Variants in ELOVL7 observed in about 807,000 individuals in gnomAD.
The protein encoded by ELOVL7 is ELOVL fatty acid elongase 7.
Under a neutral mutation model 35.7 loss-of-function variants are expected in ELOVL7, and 27 were observed. The ratio of observed to expected loss-of-function variants is 0.76; its 90% CI spans 0.56 to 1.04. The LOEUF (loss-of-function observed/expected upper bound fraction) is 1.04. Among genes scored for constraint, ELOVL7 ranks in the 50% least tolerant of loss-of-function variants. The pLI is 0.00. For synonymous variants in ELOVL7, 113 were observed against 114.6 expected (o/e 0.99, Z 0.09); for missense variants, 327 against 340.8 (o/e 0.96, Z 0.32).
At position 60,844,256 on chromosome 5, in the gene ELOVL7, C is replaced by G. The variant is rs1247212451; in HGVS notation, c.-182G>C. On this transcript the variant is annotated 5_prime_UTR_variant, in exon 1 of 9. Transcript: ENST00000508821. Reference sequence around the variant, plus strand: ...AGCTCCTCACAGCGGCCCCCGCTGTCCCGGCCGCCGACTGGGTTGGAAAGG... The same window carrying G: ...AGCTCCTCACAGCGGCCCCCGCTGTGCCGGCCGCCGACTGGGTTGGAAAGG... 6.6e-6 allele frequency: 1 copy of G among 152,012 alleles called. No homozygotes were observed. Among genetic ancestry groups the G allele is most frequent in the Non-Finnish European group, 1.5e-5 (1 of 68,018 alleles). The allele number at this position is 152,012 out of a possible 1,614,324, so 9.4% of individuals were successfully genotyped here.
chr5:60,833,031 C>A (rs1002751664), intron 1 of ELOVL7, among the ~76,000 whole-genome samples: 4 of 152,132 alleles, frequency 2.6e-5, no homozygotes, highest in Non-Finnish European at 4.4e-5. Flanking sequence ...TAATCCTCGC[C>A]CTGCCGTATT....
chr5:60,806,742 T>C (rs1744948270), intron 1 of ELOVL7, among the ~76,000 whole-genome samples: 1 of 152,000 alleles, frequency 6.6e-6, no homozygotes. Flanking sequence ...GCTTGTGAAC[T>C]GCCATCTTTA....
At position 60,752,680 on chromosome 5, in the gene ELOVL7, C is replaced by T. The variant is rs922461082; in HGVS notation, c.*1944G>A. The T allele has an allele frequency of 6.6e-6, 1 of 152,182 alleles. No individual in the cohort carries two copies. The allele number at this position is 152,182 out of a possible 1,614,324, so 9.4% of individuals were successfully genotyped here. A position where few individuals can be genotyped will look rare whatever the true frequency, so the allele number is the denominator to read the frequency against. On this transcript the variant is annotated 3_prime_UTR_variant, in exon 9 of 9. Coordinates refer to ENST00000508821, the MANE Select transcript of ELOVL7 (RefSeq NM_024930.3). ...AAAAATATAAAATTATGGCCGGGCA[C>T]AGTGGCTCACCCCTGTAATCCCAGA...
chr5:60,824,384 G>A lies in ELOVL7; in HGVS notation c.-86+19776C>T, dbSNP rs529335085. Among the ~76,000 whole-genome samples the A allele has an allele frequency of 6.6e-5, 10 of 152,302 alleles. No homozygotes were observed. In the East Asian group the frequency reaches 1.9e-3, roughly 29 times the overall value. ...ACAGCAGGAGTAACGATGGAGAAACGTCAAAGTCTCTAAGGCATGTGGGAT... is the reference window on the plus strand; with the variant it reads ...ACAGCAGGAGTAACGATGGAGAAACATCAAAGTCTCTAAGGCATGTGGGAT... On this transcript the variant is annotated intron_variant, in intron 1 of 8. Transcript: ENST00000508821.
intron 4 of ELOVL7, among the ~76,000 whole-genome samples, chr5:60,769,017 A>G (rs1444238): frequency 0.2 from 30,235 of 152,128 alleles, 5,660 homozygotes; most frequent in African/African-American, 0.49. Context: ...TAGACACTAT[A>G]GTATTATAAA....
intron 2 of ELOVL7, among the ~76,000 whole-genome samples, chr5:60,789,313 A>C (rs1468002474): frequency 6.6e-6 from 1 of 152,258 alleles, no homozygotes; most frequent in Non-Finnish European, 1.5e-5. Flanking sequence ...AAATGGGCAA[A>C]GTTCACAGAA....
intron 1 of ELOVL7, among the ~76,000 whole-genome samples, chr5:60,815,011 A>G (rs1248406775): frequency 6.6e-6 from 1 of 152,236 alleles, no homozygotes; most frequent in Non-Finnish European, 1.5e-5. Context: ...GAGGACCCTA[A>G]CAAAGCATAT....
At chr5:60,793,406 G>A (rs1347841428) in intron 2 of ELOVL7, among the ~76,000 whole-genome samples, 1 of 152,096 alleles carries the variant, frequency 6.6e-6, no homozygotes, top group Non-Finnish European at 1.5e-5. Flanking sequence ...ACTGCCCTAA[G>A]CTAGCAGGCA....
intron 7 of ELOVL7, among the ~76,000 whole-genome samples, chr5:60,760,209 G>A (rs1336556909): frequency 2.0e-5 from 3 of 152,266 alleles, no homozygotes; most frequent in Non-Finnish European, 4.4e-5. Flanking sequence ...CTGAGGAATC[G>A]CCACACTGAC....
At chr5:60,792,201 A>AGT (rs1255024199) in intron 2 of ELOVL7, among the ~76,000 whole-genome samples, 1 of 152,038 alleles carries the variant, frequency 6.6e-6, no homozygotes, top group Non-Finnish European at 1.5e-5. Flanking sequence ...AGCTTTTTGG[A>AGT]GTGTGGACTC....
chr5:60,794,821 G>A (rs994589446), intron 2 of ELOVL7, among the ~76,000 whole-genome samples: 7 of 152,132 alleles, frequency 4.6e-5, no homozygotes, highest in Admixed American at 3.9e-4. Flanking sequence ...GCTGCTCAAG[G>A]GACCACACAC....
At chr5:60,811,175 T>A (rs771287749) in intron 1 of ELOVL7, among the ~76,000 whole-genome samples, 39 of 151,990 alleles carry the variant, frequency 2.6e-4, no homozygotes, top group Non-Finnish European at 4.3e-4. Flanking sequence ...GTACTTTTTT[T>A]AAAAAAAACT....
At chr5:60,772,152 A>G (rs755451416) in intron 3 of ELOVL7, 59 bp from the exon 4 acceptor site, 23 of 1,164,632 alleles carry the variant, frequency 2.0e-5, no homozygotes, top group Non-Finnish European at 2.8e-5. Context: ...ACTAACAGCA[A>G]CCAACATTTC....
intron 1 of ELOVL7, among the ~76,000 whole-genome samples, chr5:60,836,743 G>A (rs947522551): frequency 6.6e-6 from 1 of 151,894 alleles, no homozygotes; most frequent in African/African-American, 2.4e-5. Flanking sequence ...CAAAAATTTG[G>A]GACAGAAAGA....
At chr5:60,831,553 C>T (rs577334405) in intron 1 of ELOVL7, among the ~76,000 whole-genome samples, 21 of 152,168 alleles carry the variant, frequency 1.4e-4, no homozygotes, top group Non-Finnish European at 2.4e-4. Context: ...ATCTTATTAG[C>T]GTAGCCCTGG....
chr5:60,802,440 A>G (rs4700393), intron 1 of ELOVL7, among the ~76,000 whole-genome samples: 90,176 of 151,886 alleles, frequency 0.59, 27,596 homozygotes, highest in East Asian at 0.9. Context: ...CATAAAATAC[A>G]TGACAAAGGA....
intron 2 of ELOVL7, among the ~76,000 whole-genome samples, chr5:60,790,160 A>G (rs1743844228): frequency 6.6e-6 from 1 of 152,156 alleles, no homozygotes; most frequent in Non-Finnish European, 1.5e-5. Flanking sequence ...AAAGAAAAAA[A>G]CAAAGAAAGT....
In ELOVL7 at chr5:60,790,940, G is replaced by A. The variant is rs115754392; in HGVS notation, c.-34-3509C>T. 2.2e-3 allele frequency among the ~76,000 whole-genome samples: 332 copies of A among 152,110 alleles called. 1 individual carries two copies. Among genetic ancestry groups the A allele is most frequent in the African/African-American group, 7.7e-3 (319 of 41,504 alleles). On this transcript the variant is annotated intron_variant, in intron 2 of 8. Coordinates refer to ENST00000508821, the MANE Select transcript of ELOVL7 (RefSeq NM_024930.3). Reference sequence around the variant, plus strand: ...AGCATTCAATCAAACTTATCCTTTTGTTTTAGTTTTAGGGTGGTTGTTTTT... The same window carrying A: ...AGCATTCAATCAAACTTATCCTTTTATTTTAGTTTTAGGGTGGTTGTTTTT...
chr5:60,783,510 A>G (rs1278286527), intron 3 of ELOVL7, among the ~76,000 whole-genome samples: 5 of 152,176 alleles, frequency 3.3e-5, no homozygotes, highest in Admixed American at 1.3e-4. Context: ...GGGAGTATCA[A>G]TGCACCTGCT....
Sources: gnomAD v4.1 joint callset for allele counts (sites outside exome capture counted in the v4.1 genomes callset) on GRCh38, gnomAD v4.1.1 for gene constraint, MANE v1.5 for transcripts, NCBI Gene and HGNC (gene_info 2026-07-23, HGNC 2026-07-21) for gene names.